The following NPIPB15 variants were observed in gnomAD, a reference collection of about 807,000 sequenced individuals.
NPIPB15 encodes nuclear pore complex interacting protein family member B15.
A neutral mutation model predicts 35.9 loss-of-function variants in NPIPB15; 5 were observed. The observed-to-expected ratio is 0.14, with a 90% CI of 0.07 to 0.29. NPIPB15 has a LOEUF of 0.29. NPIPB15 is among the 10% of genes least tolerant of loss of function. The pLI is 1.00. For missense variants in NPIPB15, 100 were observed against 506.1 expected, an observed-to-expected ratio of 0.20 and a Z score of 7.70; for synonymous variants, 43 against 182.0, an observed-to-expected ratio of 0.24 and a Z score of 6.15.
intron 2 of NPIPB15, among the ~76,000 whole-genome samples, chr16:74,379,608 G>A (rs1460616443): frequency 1.3e-5 from 1 of 77,036 alleles, no homozygotes; most frequent in Non-Finnish European, 2.6e-5. Flanking sequence ...TTTTTTTTTT[G>A]AGACAGAGTC....
rs2011678224 is a variant in NPIPB15, at chr16:74,376,667, A to T, written c.-702A>T. Among the ~76,000 whole-genome samples, 1 of 152,154 alleles carries T rather than the reference A, an allele frequency of 6.6e-6. No homozygotes were observed. Among genetic ancestry groups the T allele is most frequent in the South Asian group, 2.1e-4 (1 of 4,820 alleles). On this transcript the variant is annotated 5_prime_UTR_variant, in exon 1 of 8. Coordinates refer to ENST00000692376, the MANE Select transcript of NPIPB15 (RefSeq NM_001306094.2). ...GGCAGTAAGATGATTATAGATAAGGACATCATCACTCGGTTTCAGATGTTA... is the reference window on the plus strand; with the variant it reads ...GGCAGTAAGATGATTATAGATAAGGTCATCATCACTCGGTTTCAGATGTTA...
rs1423630822 is a variant in NPIPB15 at position 74,378,380 on chromosome 16, A to T, written c.66+341A>T. ...TCTCTAACAAACAAAATGGACCAAA[A>T]CAAAGTGAAATGTCATTTGATTTGT... is the stretch of plus-strand genomic sequence containing the variant. On this transcript the variant is annotated intron_variant, in intron 2 of 7. Coordinates refer to ENST00000692376, the MANE Select transcript of NPIPB15 (RefSeq NM_001306094.2). Among the ~76,000 whole-genome samples, 5 of 145,656 alleles carry T rather than the reference A, an allele frequency of 3.4e-5. No individual in the cohort carries two copies. In the East Asian group the frequency reaches 1.0e-3, roughly 30 times the overall value.
In NPIPB15 at chr16:74,381,606, T is replaced by A. The variant is rs750886938; in HGVS notation, c.157T>A (p.Ser53Thr). Reference sequence around the variant, plus strand: ...CCCTGGCCAACATGGCAAAACCCCATCTCCACAAAAATTGGATAATTTGAT... The same window carrying A: ...CCCTGGCCAACATGGCAAAACCCCAACTCCACAAAAATTGGATAATTTGAT... ...DHPGQHGKTP[S>T]PQKLDNLIII... Residue 53 changes from serine to threonine, a missense_variant, in exon 3 of 8, where the codon TCT becomes ACT. Transcript: ENST00000692376. 1 of 1,571,740 alleles carries A rather than the reference T, an allele frequency of 6.4e-7. No individual in the cohort carries two copies. Among genetic ancestry groups the A allele is most frequent in the African/African-American group, 1.3e-5 (1 of 74,346 alleles).
Position 74,376,619 on chromosome 16 carries a change from A to C in NPIPB15, c.-750A>C, listed in dbSNP as rs1360121686. Reference sequence around the variant, plus strand: ...GGTTTTCTCCCCCTCATTTGGGTTCAGAATTTAAAGTCCACACACACAGGC... The same window carrying C: ...GGTTTTCTCCCCCTCATTTGGGTTCCGAATTTAAAGTCCACACACACAGGC... On this transcript the variant is annotated 5_prime_UTR_variant, in exon 1 of 8. Transcript: ENST00000692376. Among the ~76,000 whole-genome samples the C allele has an allele frequency of 1.3e-5, 2 of 152,090 alleles. No homozygotes were observed. Among genetic ancestry groups the C allele is most frequent in the African/African-American group, 4.8e-5 (2 of 41,428 alleles).
chr16:74,387,437 A>C (rs2012336783), intron 5 of NPIPB15, among the ~76,000 whole-genome samples: 1 of 149,510 alleles, frequency 6.7e-6, no homozygotes, highest in South Asian at 2.1e-4. Flanking sequence ...CTGCCATGTT[A>C]GCTATTTGAT....
rs2012113329 is a variant in NPIPB15, at chr16:74,383,769, AGCCAG to A, written c.250-1570_250-1566del. ...CATCTCTACTAAAAAGACAAAAATT[AGCCAG>A]GCATGGTAGCAGGCACCTATAATCC... On this transcript the variant is annotated intron_variant, in intron 3 of 7. Transcript: ENST00000692376. Among the ~76,000 whole-genome samples, 9 of 151,908 alleles carry A rather than the reference AGCCAG, an allele frequency of 5.9e-5. No homozygotes were observed. In the South Asian group the frequency reaches 1.9e-3, roughly 32 times the overall value.
At chr16:74,387,523 CT>C (rs1200444196) in intron 5 of NPIPB15, among the ~76,000 whole-genome samples, 17 of 146,630 alleles carry the variant, frequency 1.2e-4, no homozygotes, top group African/African-American at 4.3e-4. Flanking sequence ...TTCAGATGCA[CT>C]TATGTCAACT....
intron 2 of NPIPB15, among the ~76,000 whole-genome samples, chr16:74,378,700 G>A (rs551232235): frequency 1.2e-4 from 18 of 150,932 alleles, no homozygotes; most frequent in South Asian, 4.2e-4. Context: ...GTGAACCACC[G>A]CGCCTGGCCA....
intron 2 of NPIPB15, 51 bp downstream of exon 2, chr16:74,378,090 C>A: frequency 1.3e-6 from 2 of 1,594,136 alleles, no homozygotes; most frequent in Admixed American, 1.8e-5. Context: ...TGGGCTGTGT[C>A]ACGCGGCATG....
At chr16:74,381,148 CAAAA>C (rs1166274271) in intron 2 of NPIPB15, among the ~76,000 whole-genome samples, 4 of 74,268 alleles carry the variant, frequency 5.4e-5, no homozygotes, top group African/African-American at 2.3e-4. Flanking sequence ...ACTCTGTCTC[CAAAA>C]AAAAAAAAAA....
intron 3 of NPIPB15, among the ~76,000 whole-genome samples, chr16:74,382,623 C>G (rs532678717): frequency 6.6e-6 from 1 of 152,398 alleles, no homozygotes; most frequent in African/African-American, 2.4e-5. Context: ...TACATTTTGT[C>G]TTACCATTCA....
chr16:74,380,958 C>T (rs1374562188), intron 2 of NPIPB15, among the ~76,000 whole-genome samples: 1 of 152,280 alleles, frequency 6.6e-6, no homozygotes, highest in African/African-American at 2.4e-5. Context: ...GACTGGCCAA[C>T]ATGGTGAAAC....
chr16:74,389,206 T>G lies in NPIPB15; in HGVS notation c.546-619T>G, dbSNP rs1341702563. Among the ~76,000 whole-genome samples, 3 of 142,082 alleles carry G rather than the reference T, an allele frequency of 2.1e-5. 1 individual carries two copies. The highest frequency in any genetic ancestry group is 7.9e-5 in the African/African-American group (3 of 37,752). The allele number at this position is 142,082 out of a possible 152,430, so 93.2% of individuals were successfully genotyped here. A position where few individuals can be genotyped will look rare whatever the true frequency, so the allele number is the denominator to read the frequency against. ...GCCCTGTGAAACACGGTAAGGATATTAATACAAAGAGAATACAGCTTTATG... is the reference window on the plus strand; with the variant it reads ...GCCCTGTGAAACACGGTAAGGATATGAATACAAAGAGAATACAGCTTTATG... On this transcript the variant is annotated intron_variant, in intron 5 of 7. Coordinates refer to ENST00000692376, the MANE Select transcript of NPIPB15 (RefSeq NM_001306094.2).
At position 74,391,429 on chromosome 16, in the gene NPIPB15, A is replaced by T; in HGVS notation, c.681A>T (p.Gly227=). The T allele has an allele frequency of 6.2e-7, 1 of 1,609,990 alleles. No homozygotes were observed. Among genetic ancestry groups the T allele is most frequent in the Non-Finnish European group, 8.5e-7 (1 of 1,179,854 alleles). ...CAGCGGAGCATCGTCATTCTTCAGGATTGCCCTGCTGGCCCTACCTCACAG... is the reference window on the plus strand; with the variant it reads ...CAGCGGAGCATCGTCATTCTTCAGGTTTGCCCTGCTGGCCCTACCTCACAG... ...MAAAEHRHSS[G]LPCWPYLTAE... The change falls in exon 8 of 8, where the codon GGA becomes GGT. Residue 227 remains glycine, a synonymous_variant. Transcript: ENST00000692376.
chr16:74,386,325 GCT>G (rs1303520294), intron 5 of NPIPB15, among the ~76,000 whole-genome samples: 2 of 121,352 alleles, frequency 1.6e-5, no homozygotes, highest in Non-Finnish European at 3.3e-5. Context: ...ATAGAATCTC[GCT>G]CTGTCGCCCA....
chr16:74,377,718 C>T (rs1284539074), intron 1 of NPIPB15, among the ~76,000 whole-genome samples: 30 of 149,632 alleles, frequency 2.0e-4, no homozygotes, highest in African/African-American at 7.4e-4. Context: ...TTCTCCTCCT[C>T]CTCCTCCTCC....
rs1234418109 is a variant in NPIPB15, at chr16:74,391,790, C to A, written c.1042C>A (p.Gln348Lys). The A allele has an allele frequency of 6.2e-7, 1 of 1,614,012 alleles. No homozygotes were observed. Among genetic ancestry groups the A allele is most frequent in the Non-Finnish European group, 8.5e-7 (1 of 1,179,890 alleles). Residue 348 changes from glutamine (Q) to lysine (K), a missense_variant, in exon 8 of 8, where the codon CAG (glutamine) becomes AAG (lysine). Coordinates refer to ENST00000692376, the MANE Select transcript of NPIPB15 (RefSeq NM_001306094.2). The part of the protein sequence containing the change: ...DNLKTPPLAT[Q>K]EAEAEKPPKP... ...TCTCAAGACTCCTCCCTTAGCTACT[C>A]AGGAGGCCGAGGCGGAAAAACCACC... is the stretch of plus-strand genomic sequence containing the variant.
At chr16:74,386,323 T>C in intron 5 of NPIPB15, among the ~76,000 whole-genome samples, 1 of 137,202 alleles carries the variant, frequency 7.3e-6, no homozygotes, top group African/African-American at 2.8e-5. Flanking sequence ...AGATAGAATC[T>C]CGCTCTGTCG....
intron 2 of NPIPB15, among the ~76,000 whole-genome samples, chr16:74,379,696 T>G (rs2011879854): frequency 6.6e-6 from 1 of 152,122 alleles, no homozygotes; most frequent in Non-Finnish European, 1.5e-5. Context: ...TTCAAGTGAT[T>G]CTTCTGCCTC....
Sources: allele counts gnomAD v4.1 joint callset (sites outside exome capture counted in the v4.1 genomes callset), GRCh38; gene constraint gnomAD v4.1.1; transcripts MANE v1.5; gene names NCBI Gene and HGNC (gene_info 2026-07-23, HGNC 2026-07-21).